Variants in DZIP1L observed in about 807,000 individuals in gnomAD.
The protein encoded by DZIP1L is cilium assembly protein DZIP1L.
Under a neutral mutation model 88.7 loss-of-function variants are expected in DZIP1L, and 90 were observed. That is an observed-to-expected ratio of 1.02 (90% CI 0.86 to 1.21). The LOEUF is 1.21. Ranked by LOEUF, DZIP1L falls within the 50% of genes most tolerant of loss-of-function variation. The pLI is 0.00. For missense variants in DZIP1L, 932 were observed against 955.8 expected (o/e 0.98, Z 0.33); for synonymous variants, 363 against 372.1 (o/e 0.98, Z 0.28).
At chr3:138,068,027 C>G in intron 13 of DZIP1L, 124 bp downstream of exon 13, 2 of 904,256 alleles carry the variant, frequency 2.2e-6, no homozygotes, top group Admixed American at 8.1e-5. Context: ...CCTGAGGCAC[C>G]TTCTATTCAC....
intron 9 of DZIP1L, among the ~76,000 whole-genome samples, chr3:138,081,139 T>C (rs1034571137): frequency 7.2e-5 from 11 of 152,026 alleles, no homozygotes; most frequent in Admixed American, 1.3e-4. Flanking sequence ...GCTAAAGCCA[T>C]AGGACAGGGG....
intron 8 of DZIP1L, among the ~76,000 whole-genome samples, chr3:138,082,371 T>C (rs899983): frequency 0.6 from 91,859 of 152,130 alleles, 29,216 homozygotes; most frequent in Non-Finnish European, 0.7. Flanking sequence ...TAATGAATGA[T>C]GTCAAAGCTG....
intron 11 of DZIP1L, among the ~76,000 whole-genome samples, chr3:138,072,989 T>A (rs1943249882): frequency 6.6e-6 from 1 of 152,082 alleles, no homozygotes; most frequent in African/African-American, 2.4e-5. Context: ...GAACACACCC[T>A]CATCCCCAAC....
intron 11 of DZIP1L, among the ~76,000 whole-genome samples, chr3:138,075,358 A>G (rs1943358172): frequency 6.6e-6 from 1 of 152,244 alleles, no homozygotes; most frequent in South Asian, 2.1e-4. Context: ...TATATATTCT[A>G]TTCATCAGCA....
At chr3:138,077,732 TG>T (rs1943480053) in intron 10 of DZIP1L, 100 bp from the exon 11 acceptor site, 1 of 1,530,280 alleles carries the variant, frequency 6.5e-7, no homozygotes, top group African/African-American at 1.4e-5. Flanking sequence ...CCAGGAATCC[TG>T]GTCGGTTAAC....
intron 2 of DZIP1L, chr3:138,102,510 A>G: frequency 2.2e-6 from 3 of 1,334,256 alleles, no homozygotes; most frequent in South Asian, 2.3e-5. Context: ...CATGTTGTCC[A>G]TGTTAACTCT....
intron 1 of DZIP1L, among the ~76,000 whole-genome samples, chr3:138,104,947 C>A (rs1023832482): frequency 5.3e-5 from 8 of 151,980 alleles, no homozygotes; most frequent in African/African-American, 1.9e-4. Context: ...TACAAAGGTA[C>A]TTGTGAAAAA....
chr3:138,091,107 A>G (rs1410233596), intron 5 of DZIP1L, among the ~76,000 whole-genome samples: 1 of 151,590 alleles, frequency 6.6e-6, no homozygotes, highest in Non-Finnish European at 1.5e-5. Flanking sequence ...TGAACCACCC[A>G]CCTTGGCCTC....
chr3:138,071,535 G>A, intron 12 of DZIP1L, 108 bp downstream of exon 12: 1 of 1,264,516 alleles, frequency 7.9e-7, no homozygotes, highest in Non-Finnish European at 1.1e-6. Context: ...TCAGAGAAGT[G>A]CCCCTAATGG....
chr3:138,095,307 G>C (rs1944417567), intron 3 of DZIP1L, among the ~76,000 whole-genome samples: 1 of 151,524 alleles, frequency 6.6e-6, no homozygotes. Flanking sequence ...TGACAGTACT[G>C]ACACGTGGAA....
At chr3:138,077,433 T>C in intron 11 of DZIP1L, 66 bp downstream of exon 11, 1 of 1,586,778 alleles carries the variant, frequency 6.3e-7, no homozygotes. Context: ...ATCATTTGTC[T>C]GTCTGAGAAC....
At chr3:138,065,374 T>C (rs1392089217) in intron 14 of DZIP1L, among the ~76,000 whole-genome samples, 1 of 152,238 alleles carries the variant, frequency 6.6e-6, no homozygotes, top group African/African-American at 2.4e-5. Context: ...AGCCCTTGGC[T>C]CATTGATTCA....
chr3:138,071,963 T>TG (rs1943202170), intron 11 of DZIP1L, 128 bp from the exon 12 acceptor site: 3 of 880,290 alleles, frequency 3.4e-6, no homozygotes, highest in Non-Finnish European at 3.4e-6. Flanking sequence ...CTTGCAGGAC[T>TG]GGGGGGCATG....
intron 2 of DZIP1L, chr3:138,102,768 C>CA: frequency 1.3e-6 from 1 of 769,394 alleles, no homozygotes; most frequent in Admixed American, 1.8e-5. Context: ...AGCCTCCGCC[C>CA]AGGTCACCCC....
intron 7 of DZIP1L, 123 bp downstream of exon 7, chr3:138,086,838 G>T: frequency 1.0e-6 from 1 of 998,162 alleles, no homozygotes; most frequent in Non-Finnish European, 1.5e-6. Flanking sequence ...AATATCTGCA[G>T]CATCTGCCAA....
chr3:138,087,025 T>G lies in DZIP1L; in HGVS notation c.1000-2A>C, dbSNP rs763324082. The G allele has an allele frequency of 3.7e-6, 6 of 1,613,886 alleles. No homozygotes were observed. In the African/African-American group the frequency reaches 8.0e-5, roughly 22 times the overall value. ...CACTTTTCTTTTCCACTCCGTTTTC[T>G]GAAAAAGATTAAAAGCTTATCAAAT... On this transcript the variant is annotated splice_acceptor_variant, in intron 6 of 15. Coordinates refer to ENST00000327532, the MANE Select transcript of DZIP1L (RefSeq NM_173543.3). LOFTEE classifies it high-confidence loss of function.
At chr3:138,108,255 C>A (rs2042551641) in intron 1 of DZIP1L, 1 of 985,172 alleles carries the variant, frequency 1.0e-6, no homozygotes. Flanking sequence ...TCACAACAAG[C>A]TGTGCCTCGG....
chr3:138,076,144 A>G lies in DZIP1L; in HGVS notation c.1422+1355T>C, dbSNP rs570173060. 7.2e-5 allele frequency among the ~76,000 whole-genome samples: 11 copies of G among 152,266 alleles called. No homozygotes were observed. In the Middle Eastern group the frequency reaches 0.01, roughly 141 times the overall value. ...CCAGACTGTCCTTAAATGAGGAGGGAGCTTCCCAGAGTGGGGATGGTCAGC... is the reference window on the plus strand; with the variant it reads ...CCAGACTGTCCTTAAATGAGGAGGGGGCTTCCCAGAGTGGGGATGGTCAGC... On this transcript the variant is annotated intron_variant, in intron 11 of 15. Coordinates refer to ENST00000327532, the MANE Select transcript of DZIP1L (RefSeq NM_173543.3).
intron 2 of DZIP1L, chr3:138,102,863 C>T: frequency 1.5e-6 from 1 of 678,242 alleles, no homozygotes; most frequent in Non-Finnish European, 2.7e-6. Context: ...CTGCTGAAGA[C>T]CTGGGGGCCA....
Sources: gnomAD v4.1 joint callset for allele counts (sites outside exome capture counted in the v4.1 genomes callset) on GRCh38, gnomAD v4.1.1 for gene constraint, MANE v1.5 for transcripts, NCBI Gene and HGNC (gene_info 2026-07-23, HGNC 2026-07-21) for gene names.